XKR9: variants seen among roughly 807,000 people sequenced by gnomAD.
The protein encoded by XKR9 is XK related 9, also known as XK-related protein 9.
In XKR9, 32 loss-of-function variants were observed where a neutral mutation model predicts 32.0. The observed-to-expected ratio is 1.00, with a 90% confidence interval of 0.76 to 1.34. XKR9 has a LOEUF of 1.34. Ranked by LOEUF, XKR9 falls within the 40% of genes most tolerant of loss-of-function variation. The probability of loss-of-function intolerance (pLI) is 0.00; values close to 1 mark genes in which losing one functional copy is unlikely to be tolerated. For missense variants in XKR9, 546 were observed against 429.7 expected, an observed-to-expected ratio of 1.27 and a Z score of -2.39; for synonymous variants, 168 against 143.4, an observed-to-expected ratio of 1.17 and a Z score of -1.22.
the XKR9 span, among the ~76,000 whole-genome samples, chr8:70,855,510 C>A: frequency 2.6e-5 from 4 of 152,134 alleles, no homozygotes; most frequent in Non-Finnish European, 5.9e-5. Flanking sequence ...ATTGGTTTAC[C>A]TGAAAGTGAC....
intron 2 of XKR9, among the ~76,000 whole-genome samples, chr8:70,771,009 A>T (rs1807446839): frequency 6.6e-6 from 1 of 152,158 alleles, no homozygotes. Flanking sequence ...ATGACAGCCC[A>T]GTTTTGTGCT....
chr8:70,699,611 T>C (rs1805437386), intron 3 of XKR9, among the ~76,000 whole-genome samples: 1 of 152,210 alleles, frequency 6.6e-6, no homozygotes, highest in African/African-American at 2.4e-5. Context: ...TGGCTGCTCT[T>C]AACATTTTTA....
intron 4 of XKR9, among the ~76,000 whole-genome samples, chr8:70,714,516 TTTCTC>T (rs1336256689): frequency 1.3e-5 from 2 of 152,080 alleles, no homozygotes; most frequent in Non-Finnish European, 2.9e-5. Context: ...AATTCAATCT[TTTCTC>T]TAGCGTGGTC....
At chr8:70,722,101 C>T (rs549087377) in intron 4 of XKR9, among the ~76,000 whole-genome samples, 1 of 152,052 alleles carries the variant, frequency 6.6e-6, no homozygotes, top group South Asian at 2.1e-4. Context: ...TCTATTTTAT[C>T]AGAGACTAGC....
the XKR9 span, among the ~76,000 whole-genome samples, chr8:70,833,848 T>A: frequency 2.6e-5 from 4 of 152,178 alleles, no homozygotes; most frequent in East Asian, 5.8e-4. Context: ...CCAAAAAACA[T>A]AGAAGCCAAT....
At chr8:70,997,153 CT>C in the XKR9 span, among the ~76,000 whole-genome samples, 6 of 152,204 alleles carry the variant, frequency 3.9e-5, no homozygotes, top group African/African-American at 1.4e-4. Context: ...CAAAAATTAG[CT>C]GGCATTGTGG....
At chr8:70,845,650 A>C in the XKR9 span, among the ~76,000 whole-genome samples, 1 of 152,198 alleles carries the variant, frequency 6.6e-6, no homozygotes, top group Non-Finnish European at 1.5e-5. Flanking sequence ...GAAACAAAAA[A>C]GTCATTCAAG....
At chr8:70,883,524 T>C in the XKR9 span, among the ~76,000 whole-genome samples, 1 of 152,122 alleles carries the variant, frequency 6.6e-6, no homozygotes, top group African/African-American at 2.4e-5. Flanking sequence ...GAATGGTAGA[T>C]CTATTTTTAG....
chr8:70,830,954 TG>T, the XKR9 span, among the ~76,000 whole-genome samples: 3 of 152,172 alleles, frequency 2.0e-5, no homozygotes, highest in African/African-American at 7.2e-5. Flanking sequence ...CTAGTCTTTT[TG>T]TGTTTTGGGG....
the XKR9 span, among the ~76,000 whole-genome samples, chr8:70,823,793 C>A: frequency 6.6e-6 from 1 of 152,036 alleles, no homozygotes; most frequent in African/African-American, 2.4e-5. Flanking sequence ...GTGGGGGAAT[C>A]AAGAGGAACC....
At chr8:70,817,277 T>G in the XKR9 span, among the ~76,000 whole-genome samples, 1 of 152,122 alleles carries the variant, frequency 6.6e-6, no homozygotes, top group African/African-American at 2.4e-5. Context: ...TTCAGTAAAG[T>G]TCCAAGATGC....
At chr8:70,873,416 T>C in the XKR9 span, among the ~76,000 whole-genome samples, 1 of 152,216 alleles carries the variant, frequency 6.6e-6, no homozygotes, top group South Asian at 2.1e-4. Context: ...GTCACCCTTC[T>C]AGATGTCATT....
chr8:70,685,428 T>C (rs1819232847), intron 3 of XKR9, among the ~76,000 whole-genome samples: 1 of 147,984 alleles, frequency 6.8e-6, no homozygotes, highest in Non-Finnish European at 1.5e-5. Flanking sequence ...CACACCAGCA[T>C]GGCACATGTA....
downstream of XKR9, among the ~76,000 whole-genome samples, chr8:70,792,836 G>T (rs62508811): frequency 0.073 from 11,045 of 152,154 alleles, 474 homozygotes; most frequent in Non-Finnish European, 0.089. Flanking sequence ...CCTTTCTACC[G>T]TGTGAGAACA....
chr8:71,049,995 A>G, the XKR9 span, among the ~76,000 whole-genome samples: 3 of 152,154 alleles, frequency 2.0e-5, no homozygotes, highest in Non-Finnish European at 4.4e-5. Context: ...TTTAAAAAAT[A>G]TAAAACATGT....
chr8:70,812,684 C>T, the XKR9 span, among the ~76,000 whole-genome samples: 2 of 152,138 alleles, frequency 1.3e-5, no homozygotes, highest in Admixed American at 1.3e-4. Context: ...AGTGAACTCC[C>T]ATTCACAATT....
the XKR9 span, among the ~76,000 whole-genome samples, chr8:70,798,330 T>G: frequency 2.6e-5 from 4 of 152,348 alleles, no homozygotes; most frequent in South Asian, 8.3e-4. Context: ...TGTTTTCATA[T>G]GCTTGTTTGT....
the XKR9 span, among the ~76,000 whole-genome samples, chr8:71,021,411 T>C: frequency 6.6e-6 from 1 of 152,154 alleles, no homozygotes; most frequent in Non-Finnish European, 1.5e-5. Context: ...TCCTTATAGA[T>C]TCTGAATATT....
At chr8:70,947,588 T>G in the XKR9 span, among the ~76,000 whole-genome samples, 4 of 152,348 alleles carry the variant, frequency 2.6e-5, no homozygotes, top group Non-Finnish European at 4.4e-5. Flanking sequence ...AATATCCAAT[T>G]GATGTTAAAA....
Sources: allele counts gnomAD v4.1 joint callset (sites outside exome capture counted in the v4.1 genomes callset), GRCh38; gene constraint gnomAD v4.1.1; transcripts MANE v1.5; gene names NCBI Gene and HGNC (gene_info 2026-07-23, HGNC 2026-07-21).